Variants in ADGRL2 observed in about 807,000 individuals in gnomAD.
ADGRL2 encodes calcium-independent alpha-latrotoxin receptor 2.
A neutral mutation model predicts 157.4 loss-of-function variants in ADGRL2; 44 were observed. The observed-to-expected ratio is 0.28, with a 90% CI of 0.22 to 0.36. The LOEUF (loss-of-function observed/expected upper bound fraction) is 0.36. Ranked by LOEUF, ADGRL2 falls within the 10% of genes least tolerant of loss-of-function variation. The pLI is 1.00. For synonymous variants in ADGRL2, 585 were observed against 624.7 expected (o/e 0.94, Z 0.95); for missense variants, 1,510 against 1,768.9 (o/e 0.85, Z 2.63).
At chr1:81,382,410 A>G (rs1361613900) in intron 1 of ADGRL2, among the ~76,000 whole-genome samples, 1 of 152,210 alleles carries the variant, frequency 6.6e-6, no homozygotes, top group African/African-American at 2.4e-5. Flanking sequence ...CTAACACACA[A>G]TAGGGGTAGC....
intron 23 of ADGRL2, among the ~76,000 whole-genome samples, chr1:81,989,341 G>A (rs148022858): frequency 9.9e-5 from 15 of 152,040 alleles, no homozygotes; most frequent in South Asian, 6.2e-4. Context: ...ACATTTCTGC[G>A]TTTGACCTCC....
At chr1:81,681,545 A>G (rs1274887089) in intron 3 of ADGRL2, among the ~76,000 whole-genome samples, 1 of 152,206 alleles carries the variant, frequency 6.6e-6, no homozygotes, top group East Asian at 1.9e-4. Flanking sequence ...TTGACATTAA[A>G]ATTAATACTA....
At chr1:81,510,383 G>C (rs1488295827) in intron 2 of ADGRL2, among the ~76,000 whole-genome samples, 1 of 152,094 alleles carries the variant, frequency 6.6e-6, no homozygotes, top group African/African-American at 2.4e-5. Context: ...TAGGTCCTAG[G>C]TGAGTAATGA....
At chr1:81,849,631 A>T (rs925688594) in intron 2 of ADGRL2, among the ~76,000 whole-genome samples, 9 of 151,924 alleles carry the variant, frequency 5.9e-5, no homozygotes, top group Non-Finnish European at 2.9e-5. Flanking sequence ...TCCAAAAAAG[A>T]TTAATCTAAG....
rs767253984 is a variant in ADGRL2, at chr1:81,936,685, A to G, written c.288-43A>G. 25 of 1,017,506 alleles carry G rather than the reference A, an allele frequency of 2.5e-5. No homozygotes were observed. In the East Asian group the frequency reaches 5.5e-4, roughly 22 times the overall value. 63.0% of individuals were successfully genotyped at this position (1,017,506 alleles called of 1,614,324 possible). On this transcript the variant is annotated intron_variant, in intron 3 of 23. Coordinates refer to ENST00000686636, the MANE Select transcript of ADGRL2 (RefSeq NM_001366006.2). ...ATGTTATATTTAAGTGAAAATAATC[A>G]AATAAATTATGTTACACAAGTTTGA...
At chr1:81,404,619 C>T (rs570390332) in intron 1 of ADGRL2, among the ~76,000 whole-genome samples, 69 of 152,306 alleles carry the variant, frequency 4.5e-4, no homozygotes, top group Middle Eastern at 6.8e-3. Flanking sequence ...GAATAAAATG[C>T]TTGATAGGTT....
chr1:81,913,556 G>A (rs1265971189), intron 3 of ADGRL2, among the ~76,000 whole-genome samples: 1 of 152,132 alleles, frequency 6.6e-6, no homozygotes, highest in African/African-American at 2.4e-5. Flanking sequence ...GAGTTTATAG[G>A]CCATGGCTTC....
intron 2 of ADGRL2, among the ~76,000 whole-genome samples, chr1:81,778,214 CG>C (rs138948888): frequency 0.5 from 75,258 of 151,094 alleles, 20,040 homozygotes; most frequent in East Asian, 0.85. Context: ...CCCAGCTCCT[CG>C]GGGAGGCTGA....
At chr1:81,802,360 G>T (rs774767187) in intron 1 of ADGRL2, among the ~76,000 whole-genome samples, 2 of 152,168 alleles carry the variant, frequency 1.3e-5, no homozygotes, top group South Asian at 4.1e-4. Context: ...GGCTGTTGCT[G>T]TTCGGCTGGC....
At chr1:81,647,552 A>G (rs1406514216) in intron 3 of ADGRL2, among the ~76,000 whole-genome samples, 1 of 152,172 alleles carries the variant, frequency 6.6e-6, no homozygotes, top group Non-Finnish European at 1.5e-5. Flanking sequence ...CCTACAGGCT[A>G]TGTGTATAAG....
intron 11 of ADGRL2, among the ~76,000 whole-genome samples, chr1:81,958,400 C>T (rs1654285908): frequency 6.6e-6 from 1 of 152,064 alleles, no homozygotes; most frequent in African/African-American, 2.4e-5. Context: ...TTGTCTTGTT[C>T]TCTTTTCAGA....
intron 11 of ADGRL2, among the ~76,000 whole-genome samples, chr1:81,956,749 G>C (rs1653625934): frequency 6.6e-6 from 1 of 152,180 alleles, no homozygotes; most frequent in African/African-American, 2.4e-5. Context: ...GAAGTTAACA[G>C]TATACCTTAG....
Position 81,664,430 on chromosome 1 carries a change from T to C in ADGRL2, c.-143+83450T>C, listed in dbSNP as rs116317318. On this transcript the variant is annotated intron_variant, in intron 3 of 24. Transcript: ENST00000370721. ...CCATAATTCTACTTTAGTTTCACCA[T>C]AATAGTGTTGATGTGCTTCCTTCTG... 2.4e-3 allele frequency among the ~76,000 whole-genome samples: 359 copies of C among 152,318 alleles called. 1 individual carries two copies. Among genetic ancestry groups the C allele is most frequent in the African/African-American group, 8.2e-3 (339 of 41,584 alleles).
chr1:81,643,969 C>A (rs941810138), intron 3 of ADGRL2, among the ~76,000 whole-genome samples: 2 of 152,126 alleles, frequency 1.3e-5, no homozygotes, highest in African/African-American at 2.4e-5. Context: ...TTCTACCCAA[C>A]CTCAAGACAT....
intron 2 of ADGRL2, among the ~76,000 whole-genome samples, chr1:81,865,387 A>T (rs1163414128): frequency 2.0e-5 from 3 of 152,178 alleles, no homozygotes; most frequent in Non-Finnish European, 4.4e-5. Flanking sequence ...CACTACATCG[A>T]AGCTATTTTT....
chr1:81,956,692 T>A (rs1265597588), intron 11 of ADGRL2, among the ~76,000 whole-genome samples: 3 of 152,210 alleles, frequency 2.0e-5, no homozygotes, highest in Non-Finnish European at 4.4e-5. Flanking sequence ...TAATTTAGGT[T>A]TGAACAATTT....
chr1:81,894,219 T>C (rs1431912805), intron 2 of ADGRL2, among the ~76,000 whole-genome samples: 1 of 152,192 alleles, frequency 6.6e-6, no homozygotes, highest in Non-Finnish European at 1.5e-5. Context: ...CACAGATACA[T>C]AATGAATGAA....
intron 1 of ADGRL2, among the ~76,000 whole-genome samples, chr1:81,444,445 C>T (rs2077564386): frequency 6.6e-6 from 1 of 152,138 alleles, no homozygotes; most frequent in Non-Finnish European, 1.5e-5. Context: ...CTATAAACTA[C>T]TCATATTTTG....
chr1:81,476,754 A>G (rs1424108098), intron 2 of ADGRL2, among the ~76,000 whole-genome samples: 2 of 152,120 alleles, frequency 1.3e-5, no homozygotes, highest in Non-Finnish European at 2.9e-5. Context: ...TTAACCTGTG[A>G]TATCCTGTGT....
Sources: gnomAD v4.1 joint callset for allele counts (sites outside exome capture counted in the v4.1 genomes callset) on GRCh38, gnomAD v4.1.1 for gene constraint, MANE v1.5 for transcripts, NCBI Gene and HGNC (gene_info 2026-07-23, HGNC 2026-07-21) for gene names.